Variants in ETNPPL observed in about 807,000 individuals in gnomAD.
ETNPPL encodes the protein ethanolamine-phosphate phospho-lyase, also known as alanine--glyoxylate aminotransferase 2-like 1.
A neutral mutation model predicts 55.5 loss-of-function variants in ETNPPL; 30 were observed. The ratio of observed to expected loss-of-function variants is 0.54; its 90% CI spans 0.40 to 0.73. The LOEUF is 0.73. Among genes scored for constraint, ETNPPL ranks in the 30% least tolerant of loss-of-function variants. The pLI is 0.00. For missense variants in ETNPPL, 528 were observed against 607.9 expected (o/e 0.87, Z 1.38); for synonymous variants, 202 against 207.2 (o/e 0.98, Z 0.21).
At position 108,747,179 on chromosome 4, in the gene ETNPPL, T is replaced by A. The variant is rs866051796; in HGVS notation, c.1083-328A>T. Among the ~76,000 whole-genome samples, 32 of 10,526 alleles carry A rather than the reference T, an allele frequency of 3.0e-3. 4 individuals carry two copies. Among genetic ancestry groups the A allele is most frequent in the African/African-American group, 0.026 (32 of 1,218 alleles). The allele number at this position is 10,526 out of a possible 152,430, so 6.9% of individuals were successfully genotyped here. A position where few individuals can be genotyped will look rare whatever the true frequency, so the allele number is the denominator to read the frequency against. ...TATATATATATTATATATATATATA[T>A]AATATATATATATATTATATATATA... On this transcript the variant is annotated intron_variant, in intron 9 of 12. Coordinates refer to ENST00000296486, the MANE Select transcript of ETNPPL (RefSeq NM_031279.4).
chr4:108,749,717 T>G (rs1728804470), intron 7 of ETNPPL, among the ~76,000 whole-genome samples: 1 of 151,684 alleles, frequency 6.6e-6, no homozygotes, highest in East Asian at 1.9e-4. Flanking sequence ...ATTGCAGTAT[T>G]TTTTTTTAAG....
rs563388314 is a variant in ETNPPL, at chr4:108,748,417, C to A, written c.928-258G>T. Among the ~76,000 whole-genome samples, 62 of 152,250 alleles carry A rather than the reference C, an allele frequency of 4.1e-4. No individual in the cohort carries two copies. In the South Asian group the frequency reaches 0.012, roughly 30 times the overall value. On this transcript the variant is annotated intron_variant, in intron 8 of 12. Transcript: ENST00000296486. ...CTACCAGTGATTTTATTTGCTCATCCAAACAAAAGCAGACATTATGTTGGG... is the reference window on the plus strand; with the variant it reads ...CTACCAGTGATTTTATTTGCTCATCAAAACAAAAGCAGACATTATGTTGGG...
At position 108,748,016 on chromosome 4, in the gene ETNPPL, T is replaced by C. The variant is rs1728696048; in HGVS notation, c.1071A>G (p.Ile357Met). ...CATAATGAACATACCTAATATCTCC[T>C]ATCAAAGTGTGTTTAGCCTTCTGTT... ...LKKQKAKHTL[I>M]GDIRGIGLFI... is the part of the protein sequence containing the mutation. Residue 357 changes from isoleucine (I) to methionine (M), a missense_variant, in exon 9 of 13, where the codon ATA becomes ATG. Coordinates refer to ENST00000296486, the MANE Select transcript of ETNPPL (RefSeq NM_031279.4). The C allele has an allele frequency of 1.2e-6, 2 of 1,608,122 alleles. No homozygotes were observed. Among genetic ancestry groups the C allele is most frequent in the Non-Finnish European group, 8.5e-7 (1 of 1,177,562 alleles).
chr4:108,742,608 A>G lies in ETNPPL; in HGVS notation c.1376T>C (p.Leu459Pro), dbSNP rs775585521. The change falls in exon 13 of 13, where the codon CTG (leucine) becomes CCG (proline). Residue 459 changes from leucine to proline, a missense_variant. By Grantham distance (98) the Leu-to-Pro change is moderately conservative. Transcript: ENST00000296486. ...SENTPCKTKM[L>P]KEAHIELLRD... ...AAGCAGTTCTATGTGGGCTTCTTTC[A>G]GCATCTGCAAGACAGGCACACAAAG... is the stretch of plus-strand genomic sequence containing the variant. 6 of 1,613,952 alleles carry G rather than the reference A, an allele frequency of 3.7e-6. No homozygotes were observed. The East Asian group carries it at 1.3e-4, about 36-fold the overall frequency.
intron 1 of ETNPPL, 90 bp downstream of exon 1, chr4:108,762,753 C>G (rs949635901): frequency 6.4e-5 from 93 of 1,460,994 alleles, no homozygotes; most frequent in Non-Finnish European, 8.7e-5. Flanking sequence ...TGCAGCGCAT[C>G]GTTTGTTCCC....
intron 1 of ETNPPL, among the ~76,000 whole-genome samples, chr4:108,762,005 T>C (rs1203331764): frequency 6.6e-6 from 1 of 152,186 alleles, no homozygotes; most frequent in African/African-American, 2.4e-5. Flanking sequence ...TTAATCATCA[T>C]TTATATTTAC....
intron 12 of ETNPPL, among the ~76,000 whole-genome samples, 199 bp from the exon 13 acceptor site, chr4:108,742,811 G>A (rs577709068): frequency 7.2e-5 from 11 of 152,268 alleles, no homozygotes; most frequent in East Asian, 3.9e-4. Context: ...CCGGGACTCC[G>A]AGTCAACTTT....
chr4:108,758,013 T>C (rs1316785707), intron 3 of ETNPPL, among the ~76,000 whole-genome samples: 1 of 148,186 alleles, frequency 6.7e-6, no homozygotes, highest in Non-Finnish European at 1.5e-5. Context: ...TTTCTTTTTT[T>C]TTTTTTTTTT....
At chr4:108,759,382 C>A (rs890847340) in intron 3 of ETNPPL, among the ~76,000 whole-genome samples, 3 of 108,650 alleles carry the variant, frequency 2.8e-5, no homozygotes, top group African/African-American at 3.8e-5. Context: ...GCCTGAGCGA[C>A]AGAGCAAGGC....
intron 5 of ETNPPL, among the ~76,000 whole-genome samples, chr4:108,753,977 T>TC (rs1411427499): frequency 4.3e-5 from 6 of 139,008 alleles, no homozygotes; most frequent in African/African-American, 8.6e-5. Context: ...TCTTTTCTTT[T>TC]TTTTTTTTTT....
At position 108,751,059 on chromosome 4, in the gene ETNPPL, C is replaced by G. The variant is rs185573200; in HGVS notation, c.619-41G>C. The G allele has an allele frequency of 3.6e-6, 5 of 1,378,068 alleles. No homozygotes were observed. The Admixed American group carries it at 8.4e-5, about 23-fold the overall frequency. The allele number at this position is 1,378,068 out of a possible 1,614,324, so 85.4% of individuals were successfully genotyped here. ...TGGTGTCAAAGTCCATTAGGTCCCC[C>G]TACAACCCCCCTAAAAAGAGTATAT... is the stretch of plus-strand genomic sequence containing the variant. On this transcript the variant is annotated intron_variant, in intron 6 of 12. Transcript: ENST00000296486.
chr4:108,750,860 T>G, intron 7 of ETNPPL, 76 bp downstream of exon 7: 1 of 1,065,468 alleles, frequency 9.4e-7, no homozygotes, highest in Non-Finnish European at 1.5e-6. Flanking sequence ...TTTTAATATC[T>G]TAGCAACTAG....
chr4:108,753,064 TA>T (rs1022176651), intron 5 of ETNPPL, 53 bp from the exon 6 acceptor site: 59 of 932,602 alleles, frequency 6.3e-5, no homozygotes, highest in African/African-American at 1.0e-4. Context: ...CGACAAACCT[TA>T]AAAAAAAGGC....
Position 108,761,262 on chromosome 4 carries a change from C to G in ETNPPL, c.57-956G>C, listed in dbSNP as rs189849373. Among the ~76,000 whole-genome samples, 6 of 152,246 alleles carry G rather than the reference C, an allele frequency of 3.9e-5. No homozygotes were observed. The East Asian group carries it at 1.2e-3, about 29-fold the overall frequency. ...ATACATACAAAAAAACCCTCACACA[C>G]ATTGGAGGTAGTTCTAGTAGTAGAA... On this transcript the variant is annotated intron_variant, in intron 1 of 12. Coordinates refer to ENST00000296486, the MANE Select transcript of ETNPPL (RefSeq NM_031279.4).
intron 11 of ETNPPL, among the ~76,000 whole-genome samples, chr4:108,746,042 C>T (rs930346122): frequency 2.6e-5 from 4 of 151,232 alleles, no homozygotes; most frequent in African/African-American, 9.8e-5. Context: ...ATGTATTAAT[C>T]ACACAATGCT....
At chr4:108,750,618 T>TATATTTTATATATATATATATAGG in intron 7 of ETNPPL, among the ~76,000 whole-genome samples, 3 of 147,840 alleles carry the variant, frequency 2.0e-5, no homozygotes, top group African/African-American at 7.6e-5. Context: ...ATATAGGATA[T>TATATTTTATATATATATATATAGG]ATATATATCC....
intron 9 of ETNPPL, among the ~76,000 whole-genome samples, chr4:108,747,179 TAA>T (rs1491369637): frequency 0.013 from 133 of 10,524 alleles, 10 homozygotes; most frequent in Admixed American, 0.02. Flanking sequence ...TATATATATA[TAA>T]TATATATATA....
intron 1 of ETNPPL, among the ~76,000 whole-genome samples, chr4:108,761,151 A>G (rs2125683563): frequency 6.6e-6 from 1 of 152,356 alleles, no homozygotes; most frequent in Non-Finnish European, 1.5e-5. Context: ...TTTAGCACAT[A>G]GAAATTTCAC....
chr4:108,749,527 G>T (rs928644689), intron 7 of ETNPPL, 64 bp from the exon 8 acceptor site: 10 of 1,221,794 alleles, frequency 8.2e-6, no homozygotes, highest in African/African-American at 3.1e-5. Context: ...CACCCACAAA[G>T]ATGCAAATTA....
Sources: allele counts gnomAD v4.1 joint callset (sites outside exome capture counted in the v4.1 genomes callset), GRCh38; gene constraint gnomAD v4.1.1; transcripts MANE v1.5; gene names NCBI Gene and HGNC (gene_info 2026-07-23, HGNC 2026-07-21).